Variants in TRDMT1 observed in about 807,000 individuals in gnomAD.
TRDMT1 encodes the protein tRNA aspartic acid methyltransferase 1.
A neutral mutation model predicts 51.2 loss-of-function variants in TRDMT1; 49 were observed. The ratio of observed to expected loss-of-function variants is 0.96; its 90% CI spans 0.76 to 1.21. TRDMT1 has a LOEUF of 1.21. Among genes scored for constraint, TRDMT1 ranks in the 50% most tolerant of loss-of-function variants. The pLI is 0.00. For missense variants in TRDMT1, 534 were observed against 462.3 expected, an observed-to-expected ratio of 1.16 and a Z score of -1.42; for synonymous variants, 187 against 164.6, an observed-to-expected ratio of 1.14 and a Z score of -1.04.
Position 17,160,359 on chromosome 10 carries a change from T to A in TRDMT1, c.405A>T (p.Gln135His). 1 of 1,561,576 alleles carries A rather than the reference T, an allele frequency of 6.4e-7. No homozygotes were observed. The highest frequency in any genetic ancestry group is 1.2e-5 in the South Asian group (1 of 81,028). ...ACTGAAAGCCACAATTTTCTATTGT[T>A]TGTATCAAGAGGTCTCTAAAAAGAA... ...EVSSTRDLLI[Q>H]TIENCGFQYQ... The change falls in exon 6 of 11, where the codon CAA becomes CAT. Residue 135 changes from glutamine to histidine, a missense_variant. Transcript: ENST00000377799.
At chr10:17,190,049 C>G (rs1208894039) in intron 1 of TRDMT1, among the ~76,000 whole-genome samples, 4 of 152,100 alleles carry the variant, frequency 2.6e-5, no homozygotes, top group African/African-American at 9.7e-5. Context: ...TTTAAAGTCT[C>G]AGAATGAAAA....
intron 2 of TRDMT1, among the ~76,000 whole-genome samples, chr10:17,173,377 T>C (rs1842267211): frequency 2.0e-5 from 3 of 152,170 alleles, no homozygotes; most frequent in Admixed American, 2.0e-4. Context: ...AGCAAATTAT[T>C]GATATACAAC....
intron 1 of TRDMT1, among the ~76,000 whole-genome samples, chr10:17,189,294 G>C (rs963521098): frequency 2.0e-4 from 30 of 152,120 alleles, no homozygotes; most frequent in African/African-American, 6.3e-4. Flanking sequence ...TGAATTTACA[G>C]TCATGAAGGA....
chr10:17,163,220 G>T (rs1231203164), intron 3 of TRDMT1, among the ~76,000 whole-genome samples: 1 of 152,134 alleles, frequency 6.6e-6, no homozygotes, highest in Admixed American at 6.5e-5. Flanking sequence ...CTAGCAAATA[G>T]ATCCTACAAG....
At chr10:17,184,550 C>T (rs932243489) in intron 1 of TRDMT1, among the ~76,000 whole-genome samples, 1 of 151,972 alleles carries the variant, frequency 6.6e-6, no homozygotes, top group Non-Finnish European at 1.5e-5. Flanking sequence ...ATAGTTAGCC[C>T]TCCTTGAAAG....
intron 9 of TRDMT1, among the ~76,000 whole-genome samples, chr10:17,154,192 G>A (rs1839182300): frequency 6.6e-6 from 1 of 151,998 alleles, no homozygotes; most frequent in Non-Finnish European, 1.5e-5. Flanking sequence ...CACTTTAAAA[G>A]TATTCAAAAA....
chr10:17,139,689 G>T lies in TRDMT1; in HGVS notation c.*9351C>A, dbSNP rs913565799. ...TTACGGATGTGATTTACGGTTAGAG[G>T]AGTGATTTAACAAGGCTGATGCCTT... On this transcript the variant is annotated 3_prime_UTR_variant, in exon 11 of 11. Transcript: ENST00000377799. 6.6e-6 allele frequency among the ~76,000 whole-genome samples: 1 copy of T among 152,136 alleles called. No homozygotes were observed. Among genetic ancestry groups the T allele is most frequent in the African/African-American group, 2.4e-5 (1 of 41,414 alleles).
Position 17,144,112 on chromosome 10 carries a change from C to A in TRDMT1, c.*4928G>T. On this transcript the variant is annotated 3_prime_UTR_variant, in exon 11 of 11. Coordinates refer to ENST00000377799, the MANE Select transcript of TRDMT1 (RefSeq NM_004412.7). Reference sequence around the variant, plus strand: ...TGAAAAGTGAAGGGTAGAAAGAGACCTGAGGACGGAACCTTCAGATAAGTC... The same window carrying A: ...TGAAAAGTGAAGGGTAGAAAGAGACATGAGGACGGAACCTTCAGATAAGTC... 2 of 985,350 alleles carry A rather than the reference C, an allele frequency of 2.0e-6. No homozygotes were observed. Among genetic ancestry groups the A allele is most frequent in the Non-Finnish European group, 2.4e-6 (2 of 829,914 alleles). The allele number at this position is 985,350 out of a possible 1,614,324, so 61.0% of individuals were successfully genotyped here.
Position 17,148,606 on chromosome 10 carries a change from A to C in TRDMT1, c.*434T>G. ...GAAATATTTACAGGATTGGAAATTA[A>C]GTAAAACATTCAATGGGCTAGAATT... On this transcript the variant is annotated 3_prime_UTR_variant, in exon 11 of 11. Transcript: ENST00000377799. 1.0e-6 allele frequency: 1 copy of C among 973,482 alleles called. No homozygotes were observed. Among genetic ancestry groups the C allele is most frequent in the Non-Finnish European group, 1.2e-6 (1 of 819,004 alleles). 60.3% of individuals were successfully genotyped at this position (973,482 alleles called of 1,614,324 possible).
At chr10:17,170,710 A>G (rs1217038924) in intron 2 of TRDMT1, among the ~76,000 whole-genome samples, 1 of 152,064 alleles carries the variant, frequency 6.6e-6, no homozygotes, top group African/African-American at 2.4e-5. Flanking sequence ...CGCTTTCATC[A>G]TTTTTCAAAT....
intron 1 of TRDMT1, among the ~76,000 whole-genome samples, chr10:17,189,570 T>C (rs17140190): frequency 0.14 from 20,781 of 152,086 alleles, 1,511 homozygotes; most frequent in Admixed American, 0.17. Context: ...TTAACAATTA[T>C]CTCAGCAAAC....
At chr10:17,180,599 G>A (rs1843170430) in intron 1 of TRDMT1, among the ~76,000 whole-genome samples, 1 of 151,662 alleles carries the variant, frequency 6.6e-6, no homozygotes, top group Non-Finnish European at 1.5e-5. Context: ...TGATTTGTGG[G>A]AATCAACATG....
At chr10:17,160,620 A>C (rs1233096493) in intron 5 of TRDMT1, among the ~76,000 whole-genome samples, 1 of 151,924 alleles carries the variant, frequency 6.6e-6, no homozygotes, top group East Asian at 1.9e-4. Context: ...ACAGGCACCC[A>C]CCACCACGCC....
chr10:17,184,735 C>A (rs1843676847), intron 1 of TRDMT1, among the ~76,000 whole-genome samples: 1 of 152,184 alleles, frequency 6.6e-6, no homozygotes. Context: ...CTGCCTCACT[C>A]ATTTCCCCTT....
rs529010665 is a variant in TRDMT1 at position 17,143,223 on chromosome 10, A to G, written c.*5817T>C. 1 of 985,456 alleles carries G rather than the reference A, an allele frequency of 1.0e-6. No homozygotes were observed. The highest frequency in any genetic ancestry group is 1.2e-6 in the Non-Finnish European group (1 of 829,938). 61.0% of individuals were successfully genotyped at this position (985,456 alleles called of 1,614,324 possible). ...CAATATTGATTCCAGTATGGTTCCT[A>G]CATTCACTCATTCAACAACTATTTA... On this transcript the variant is annotated 3_prime_UTR_variant, in exon 11 of 11. Coordinates refer to ENST00000377799, the MANE Select transcript of TRDMT1 (RefSeq NM_004412.7).
At chr10:17,154,892 C>T (rs1839284282) in intron 8 of TRDMT1, among the ~76,000 whole-genome samples, 158 bp from the exon 9 acceptor site, 1 of 152,066 alleles carries the variant, frequency 6.6e-6, no homozygotes, top group African/African-American at 2.4e-5. Flanking sequence ...TAAAAAATTA[C>T]TAGGTAAAAG....
chr10:17,187,872 T>A (rs914139647), intron 1 of TRDMT1, among the ~76,000 whole-genome samples: 1 of 152,132 alleles, frequency 6.6e-6, no homozygotes, highest in Non-Finnish European at 1.5e-5. Flanking sequence ...ATTTTCCCCA[T>A]GAAAATATCC....
chr10:17,158,726 A>G (rs1232002798), intron 7 of TRDMT1, among the ~76,000 whole-genome samples: 2 of 152,210 alleles, frequency 1.3e-5, no homozygotes, highest in Non-Finnish European at 2.9e-5. Flanking sequence ...TTGGCTTTAA[A>G]GAAAATGCAA....
Position 17,145,170 on chromosome 10 carries a change from C to A in TRDMT1, c.*3870G>T. 1.4e-6 allele frequency: 1 copy of A among 699,514 alleles called. No individual in the cohort carries two copies. Among genetic ancestry groups the A allele is most frequent in the African/African-American group, 1.9e-5 (1 of 51,782 alleles). 43.3% of individuals were successfully genotyped at this position (699,514 alleles called of 1,614,324 possible). A position where few individuals can be genotyped will look rare whatever the true frequency, so the allele number is the denominator to read the frequency against. On this transcript the variant is annotated 3_prime_UTR_variant, in exon 11 of 11. Coordinates refer to ENST00000377799, the MANE Select transcript of TRDMT1 (RefSeq NM_004412.7). The stretch of plus-strand genomic sequence containing the variant: ...GCTGAGGCAGGAAAATCACTTTAAC[C>A]CAGGAGGGGGAGATTGCAGTGAGCC...
Sources: allele counts gnomAD v4.1 joint callset (sites outside exome capture counted in the v4.1 genomes callset), GRCh38; gene constraint gnomAD v4.1.1; transcripts MANE v1.5; gene names NCBI Gene and HGNC (gene_info 2026-07-23, HGNC 2026-07-21).